Variants in NR6A1 observed in about 807,000 individuals in gnomAD.
The protein encoded by NR6A1 is retinoic acid receptor-related testis-associated receptor.
Under a neutral mutation model 59.1 loss-of-function variants are expected in NR6A1, and 7 were observed. The observed-to-expected ratio is 0.12, with a 90% confidence interval of 0.07 to 0.22. The LOEUF is 0.22. Ranked by LOEUF, NR6A1 falls within the 10% of genes least tolerant of loss-of-function variation. NR6A1 has a pLI of 1.00. For missense variants in NR6A1, 468 were observed against 611.6 expected (o/e 0.77, Z 2.48); for synonymous variants, 243 against 236.1 (o/e 1.03, Z -0.27).
At chr9:124,619,006 T>TC (rs1835981747) in intron 2 of NR6A1, among the ~76,000 whole-genome samples, 1 of 152,190 alleles carries the variant, frequency 6.6e-6, no homozygotes, top group Non-Finnish European at 1.5e-5. Flanking sequence ...TCCAGGGTTT[T>TC]ACGCTACAAA....
At chr9:124,760,307 A>G (rs1248377058) in intron 1 of NR6A1, among the ~76,000 whole-genome samples, 1 of 151,824 alleles carries the variant, frequency 6.6e-6, no homozygotes, top group Non-Finnish European at 1.5e-5. Context: ...GTGAGACTCC[A>G]ACTAAAAAAA....
At chr9:124,761,112 T>C in intron 1 of NR6A1, among the ~76,000 whole-genome samples, 1 of 152,218 alleles carries the variant, frequency 6.6e-6, no homozygotes, top group East Asian at 1.9e-4. Context: ...GTTTCGTAAT[T>C]AAAGCAATTT....
At chr9:124,743,297 T>C (rs1840228751) in intron 1 of NR6A1, among the ~76,000 whole-genome samples, 1 of 152,182 alleles carries the variant, frequency 6.6e-6, no homozygotes, top group Admixed American at 6.5e-5. Context: ...ACTTAAAGAA[T>C]AACAGAAAAT....
chr9:124,617,865 T>C (rs1256208477), intron 2 of NR6A1, among the ~76,000 whole-genome samples: 1 of 152,008 alleles, frequency 6.6e-6, no homozygotes, highest in East Asian at 1.9e-4. Context: ...CACCTAACAC[T>C]CAGTGTCCTT....
At chr9:124,730,964 A>AAC (rs1839867503) in intron 2 of NR6A1, among the ~76,000 whole-genome samples, 2 of 152,220 alleles carry the variant, frequency 1.3e-5, no homozygotes, top group Admixed American at 1.3e-4. Flanking sequence ...GAGCAGAGAG[A>AAC]ACACTCAGTG....
At chr9:124,605,666 A>G (rs2130830793) in intron 2 of NR6A1, among the ~76,000 whole-genome samples, 1 of 152,360 alleles carries the variant, frequency 6.6e-6, no homozygotes, top group East Asian at 1.9e-4. Flanking sequence ...ATATTAACAA[A>G]TGAAATAATG....
intron 2 of NR6A1, among the ~76,000 whole-genome samples, chr9:124,611,772 A>AAT (rs1835753194): frequency 8.6e-5 from 11 of 127,884 alleles, no homozygotes; most frequent in African/African-American, 3.6e-4. Flanking sequence ...AGAGAGAGAG[A>AAT]GAGAGAGAGA....
chr9:124,555,143 G>A (rs915897483), intron 2 of NR6A1, among the ~76,000 whole-genome samples: 1 of 152,172 alleles, frequency 6.6e-6, no homozygotes, highest in African/African-American at 2.4e-5. Flanking sequence ...CAGGCCCTGT[G>A]CTAGGACATA....
chr9:124,585,044 T>G (rs1250796287), intron 2 of NR6A1, among the ~76,000 whole-genome samples: 1 of 152,198 alleles, frequency 6.6e-6, no homozygotes, highest in Non-Finnish European at 1.5e-5. Flanking sequence ...GTAGTCTGGA[T>G]AGAAAGGCAA....
chr9:124,759,708 C>G (rs183749536), intron 1 of NR6A1, among the ~76,000 whole-genome samples: 1 of 152,286 alleles, frequency 6.6e-6, no homozygotes, highest in African/African-American at 2.4e-5. Flanking sequence ...AAGATTGTCC[C>G]TGATTTGGCA....
intron 1 of NR6A1, among the ~76,000 whole-genome samples, chr9:124,760,535 C>G (rs1053835101): frequency 3.9e-5 from 6 of 152,040 alleles, no homozygotes; most frequent in African/African-American, 1.4e-4. Context: ...ATCCTTATAA[C>G]CCTACAGTCA....
intron 1 of NR6A1, among the ~76,000 whole-genome samples, chr9:124,768,080 A>G (rs1448597689): frequency 6.6e-6 from 1 of 152,210 alleles, no homozygotes; most frequent in Non-Finnish European, 1.5e-5. Flanking sequence ...GTGCATCAAA[A>G]GGCTAGAAAG....
chr9:124,702,891 G>A lies in NR6A1; in HGVS notation c.142+30417C>T, dbSNP rs560825300. 5.9e-5 allele frequency among the ~76,000 whole-genome samples: 9 copies of A among 151,472 alleles called. No individual in the cohort carries two copies. In the East Asian group the frequency reaches 1.7e-3, roughly 29 times the overall value. On this transcript the variant is annotated intron_variant, in intron 2 of 9. Coordinates refer to ENST00000487099, the MANE Select transcript of NR6A1 (RefSeq NM_033334.4). ...CAAAACAGAATTTTGCCTATTCTAC[G>A]AATAGGCAAATTTTTTTTTTTTCTC...
At chr9:124,736,516 T>C (rs954384488) in intron 1 of NR6A1, among the ~76,000 whole-genome samples, 4 of 152,128 alleles carry the variant, frequency 2.6e-5, no homozygotes, top group Admixed American at 6.5e-5. Context: ...TAAATTGGGA[T>C]CAACAACAGC....
chr9:124,724,419 T>TA (rs898872810), intron 2 of NR6A1, among the ~76,000 whole-genome samples: 3 of 142,234 alleles, frequency 2.1e-5, no homozygotes, highest in Non-Finnish European at 3.1e-5. Flanking sequence ...AACCAGCTGG[T>TA]AAAAAAAGAG....
intron 2 of NR6A1, among the ~76,000 whole-genome samples, chr9:124,675,852 C>A (rs1837939952): frequency 6.6e-6 from 1 of 152,184 alleles, no homozygotes; most frequent in African/African-American, 2.4e-5. Flanking sequence ...TCTGGATTTG[C>A]TCCTCTGGCT....
intron 2 of NR6A1, among the ~76,000 whole-genome samples, chr9:124,580,964 A>G (rs1200613879): frequency 6.6e-6 from 1 of 152,170 alleles, no homozygotes; most frequent in East Asian, 1.9e-4. Flanking sequence ...AACAGGATAG[A>G]GAACCCAGAA....
chr9:124,627,700 T>C (rs1199217172), intron 2 of NR6A1, among the ~76,000 whole-genome samples: 2 of 152,030 alleles, frequency 1.3e-5, no homozygotes, highest in African/African-American at 2.4e-5. Flanking sequence ...GCCTCCTAAG[T>C]AGCTCAGACT....
intron 2 of NR6A1, among the ~76,000 whole-genome samples, chr9:124,720,448 A>G (rs543895210): frequency 4.5e-4 from 69 of 152,366 alleles, no homozygotes; most frequent in African/African-American, 1.6e-3. Context: ...CACTTAGGAC[A>G]TGGAATTTTG....
Sources: gnomAD v4.1 joint callset for allele counts (sites outside exome capture counted in the v4.1 genomes callset) on GRCh38, gnomAD v4.1.1 for gene constraint, MANE v1.5 for transcripts, NCBI Gene and HGNC (gene_info 2026-07-23, HGNC 2026-07-21) for gene names.